Variants in AUTS2 observed in about 807,000 individuals in gnomAD.
AUTS2 encodes the protein autism susceptibility gene 2 protein.
Under a neutral mutation model 112.4 loss-of-function variants are expected in AUTS2, and 17 were observed. The observed-to-expected ratio is 0.15, with a 90% CI of 0.10 to 0.23. AUTS2 has a LOEUF of 0.23. Ranked by LOEUF, AUTS2 falls within the 10% of genes least tolerant of loss-of-function variation. The pLI, the probability that AUTS2 is intolerant of heterozygous loss-of-function variation, is 1.00. For missense variants in AUTS2, 1,510 were observed against 1,701.6 expected (o/e 0.89, Z 1.98); for synonymous variants, 751 against 702.7 (o/e 1.07, Z -1.09).
At chr7:70,109,763 A>T (rs1231793244) in intron 2 of AUTS2, among the ~76,000 whole-genome samples, 1 of 152,168 alleles carries the variant, frequency 6.6e-6, no homozygotes, top group Non-Finnish European at 1.5e-5. Context: ...GGAGGAGGTT[A>T]TTATGGGGCA....
intron 4 of AUTS2, among the ~76,000 whole-genome samples, chr7:70,349,274 T>C (rs1267123019): frequency 1.3e-5 from 2 of 152,236 alleles, no homozygotes; most frequent in African/African-American, 4.8e-5. Context: ...TTAGTGATTC[T>C]GCTGCTTGGT....
At chr7:70,331,710 G>A (rs866692805) in intron 4 of AUTS2, among the ~76,000 whole-genome samples, 58 of 152,158 alleles carry the variant, frequency 3.8e-4, no homozygotes, top group African/African-American at 1.3e-3. Context: ...CAGAACAAAT[G>A]ACAAAAACCA....
chr7:70,751,303 C>T (rs763567362), intron 6 of AUTS2, among the ~76,000 whole-genome samples: 8 of 152,136 alleles, frequency 5.3e-5, no homozygotes, highest in Non-Finnish European at 1.0e-4. Context: ...CTGTGAGCCT[C>T]GCGGCTTTGC....
At chr7:70,093,757 T>C (rs553787088) in intron 2 of AUTS2, among the ~76,000 whole-genome samples, 1 of 152,340 alleles carries the variant, frequency 6.6e-6, no homozygotes, top group East Asian at 1.9e-4. Flanking sequence ...AGAGGTGTCA[T>C]GGAACATGTA....
chr7:70,168,956 A>G (rs903781638), intron 4 of AUTS2, among the ~76,000 whole-genome samples: 2 of 151,294 alleles, frequency 1.3e-5, no homozygotes, highest in African/African-American at 2.4e-5. Flanking sequence ...CTAACAGAAG[A>G]AAAAAAAATT....
At chr7:70,015,311 A>C (rs1000575688) in intron 2 of AUTS2, among the ~76,000 whole-genome samples, 1 of 152,204 alleles carries the variant, frequency 6.6e-6, no homozygotes, top group Non-Finnish European at 1.5e-5. Context: ...TAAAGACATA[A>C]TCTCACTTAG....
chr7:69,769,220 C>T (rs1373439045), intron 1 of AUTS2, among the ~76,000 whole-genome samples: 1 of 152,200 alleles, frequency 6.6e-6, no homozygotes, highest in Non-Finnish European at 1.5e-5. Flanking sequence ...TTAAATATGT[C>T]AGACTTGAAC....
chr7:70,320,087 T>C (rs531707314), intron 4 of AUTS2, among the ~76,000 whole-genome samples: 7 of 152,326 alleles, frequency 4.6e-5, no homozygotes, highest in African/African-American at 1.7e-4. Context: ...TGAGACAAGT[T>C]TGGGATGCAG....
chr7:70,725,013 A>T (rs1333713515), intron 6 of AUTS2, among the ~76,000 whole-genome samples: 1 of 152,152 alleles, frequency 6.6e-6, no homozygotes, highest in East Asian at 1.9e-4. Context: ...GGGGTGGGAG[A>T]GGGAGAACCT....
intron 1 of AUTS2, among the ~76,000 whole-genome samples, chr7:69,636,477 C>CGG (rs2129110711): frequency 1.8e-5 from 1 of 57,078 alleles, no homozygotes; most frequent in Non-Finnish European, 4.1e-5. Flanking sequence ...TCAAGTGATC[C>CGG]GCGCCCCCCC....
intron 5 of AUTS2, chr7:70,596,116 G>T: frequency 6.5e-6 from 1 of 152,884 alleles, no homozygotes; most frequent in South Asian, 1.9e-4. Context: ...GCAGTCTTCT[G>T]AGCTAATTAG....
At chr7:69,600,006 C>T in intron 1 of AUTS2, 44 bp downstream of exon 1, 1 of 1,601,982 alleles carries the variant, frequency 6.2e-7, no homozygotes, top group Non-Finnish European at 8.5e-7. Flanking sequence ...TATGCACGAC[C>T]CCACTCGGCT....
At chr7:70,504,873 A>G (rs1798902801) in intron 5 of AUTS2, among the ~76,000 whole-genome samples, 1 of 152,210 alleles carries the variant, frequency 6.6e-6, no homozygotes, top group Non-Finnish European at 1.5e-5. Context: ...GTATCCTGCT[A>G]TTCCAGGGCC....
At chr7:69,739,496 T>C (rs1207157009) in intron 1 of AUTS2, among the ~76,000 whole-genome samples, 1 of 152,114 alleles carries the variant, frequency 6.6e-6, no homozygotes, top group East Asian at 1.9e-4. Context: ...CTTTCTGCAC[T>C]ATACCCTGGG....
intron 4 of AUTS2, among the ~76,000 whole-genome samples, chr7:70,266,672 G>A (rs560817275): frequency 9.9e-5 from 15 of 152,170 alleles, no homozygotes; most frequent in African/African-American, 3.6e-4. Context: ...TCATCAAACT[G>A]TACTCTTAAA....
intron 1 of AUTS2, among the ~76,000 whole-genome samples, chr7:69,606,126 G>T (rs1792701641): frequency 6.6e-6 from 1 of 152,160 alleles, no homozygotes; most frequent in South Asian, 2.1e-4. Flanking sequence ...CTTTGATCCT[G>T]AGAGTAGTGT....
At chr7:70,506,152 A>G (rs1798951604) in intron 5 of AUTS2, among the ~76,000 whole-genome samples, 1 of 152,166 alleles carries the variant, frequency 6.6e-6, no homozygotes, top group African/African-American at 2.4e-5. Flanking sequence ...CTGACATTAA[A>G]GGTGCAGGAG....
chr7:70,734,549 C>T (rs922595920), intron 6 of AUTS2, among the ~76,000 whole-genome samples: 4 of 151,972 alleles, frequency 2.6e-5, no homozygotes, highest in African/African-American at 4.8e-5. Flanking sequence ...TGAGGTTTGG[C>T]GGGACATATG....
At chr7:70,516,656 A>G (rs572972730) in intron 5 of AUTS2, among the ~76,000 whole-genome samples, 2 of 152,342 alleles carry the variant, frequency 1.3e-5, no homozygotes, top group East Asian at 3.9e-4. Context: ...GAGAAATTGT[A>G]TTAGAAACTC....
Sources: allele counts gnomAD v4.1 joint callset (sites outside exome capture counted in the v4.1 genomes callset), GRCh38; gene constraint gnomAD v4.1.1; transcripts MANE v1.5; gene names NCBI Gene and HGNC (gene_info 2026-07-23, HGNC 2026-07-21).